RALGPS2: variants seen among roughly 807,000 people sequenced by gnomAD.
The protein encoded by RALGPS2 is ras-specific guanine nucleotide-releasing factor RalGPS2.
RALGPS2 carries 43 observed loss-of-function variants against 86.8 expected under a neutral mutation model. That is an observed-to-expected ratio of 0.50 (90% confidence interval 0.39 to 0.64). The LOEUF (loss-of-function observed/expected upper bound fraction) is 0.64, where lower values mean the gene tolerates loss of function less well. Ranked by LOEUF, RALGPS2 falls within the 30% of genes least tolerant of loss-of-function variation. The pLI is 0.00. For missense variants in RALGPS2, 536 were observed against 694.6 expected (o/e 0.77, Z 2.57); for synonymous variants, 243 against 231.3 (o/e 1.05, Z -0.46).
intron 4 of RALGPS2, among the ~76,000 whole-genome samples, chr1:178,802,218 G>C (rs140689508): frequency 2.0e-5 from 3 of 151,918 alleles, no homozygotes; most frequent in African/African-American, 7.2e-5. Flanking sequence ...CTTAAAGTAA[G>C]CTAGAAAAAA....
At chr1:178,840,482 T>C (rs373992017) in intron 8 of RALGPS2, among the ~76,000 whole-genome samples, 151 of 152,266 alleles carry the variant, frequency 9.9e-4, no homozygotes, top group Non-Finnish European at 1.8e-3. Flanking sequence ...TACCAGAATC[T>C]CTGGGACACA....
At chr1:178,746,793 G>C in intron 1 of RALGPS2, 1 of 972,304 alleles carries the variant, frequency 1.0e-6, no homozygotes, top group Non-Finnish European at 1.7e-6. Context: ...TCTCACATAC[G>C]TTTCCGTAGA....
At chr1:178,811,551 C>T in intron 6 of RALGPS2, 147 bp downstream of exon 6, 1 of 557,198 alleles carries the variant, frequency 1.8e-6, no homozygotes, top group South Asian at 2.8e-5. Context: ...AATTGGATGC[C>T]TACTTTCTCT....
At chr1:178,730,707 T>G (rs922253443) in intron 1 of RALGPS2, among the ~76,000 whole-genome samples, 13 of 136,094 alleles carry the variant, frequency 9.6e-5, no homozygotes, top group Non-Finnish European at 2.1e-4. Flanking sequence ...TTTTTTTTTG[T>G]TTTTTTTTTT....
At chr1:178,814,860 A>G (rs565695826) in intron 6 of RALGPS2, among the ~76,000 whole-genome samples, 12 of 152,296 alleles carry the variant, frequency 7.9e-5, no homozygotes, top group African/African-American at 2.9e-4. Flanking sequence ...TCACCATCTG[A>G]TATTGTCAAA....
intron 8 of RALGPS2, among the ~76,000 whole-genome samples, chr1:178,859,640 A>G (rs1389773415): frequency 6.6e-6 from 1 of 150,708 alleles, no homozygotes; most frequent in African/African-American, 2.4e-5. Flanking sequence ...AGGGAAGTGT[A>G]CAAAATATGC....
intron 6 of RALGPS2, among the ~76,000 whole-genome samples, chr1:178,817,154 G>C (rs1198554993): frequency 6.6e-6 from 1 of 151,490 alleles, no homozygotes; most frequent in African/African-American, 2.4e-5. Flanking sequence ...GAGGTCAGGA[G>C]TTTGAGACCA....
intron 2 of RALGPS2, among the ~76,000 whole-genome samples, chr1:178,783,208 G>T (rs79440225): frequency 6.6e-6 from 1 of 152,086 alleles, no homozygotes; most frequent in Non-Finnish European, 1.5e-5. Context: ...TGACAAAAAC[G>T]AAGAATGCCT....
At chr1:178,838,635 T>C (rs1190319617) in intron 8 of RALGPS2, among the ~76,000 whole-genome samples, 1 of 152,056 alleles carries the variant, frequency 6.6e-6, no homozygotes, top group Non-Finnish European at 1.5e-5. Context: ...AAAGGAATGC[T>C]TGCCAGCAAC....
intron 2 of RALGPS2, among the ~76,000 whole-genome samples, chr1:178,777,075 A>G (rs1261512888): frequency 8.1e-5 from 12 of 148,514 alleles, no homozygotes; most frequent in Admixed American, 3.4e-4. Context: ...AGCATTAGGT[A>G]TATCTCCCAA....
intron 13 of RALGPS2, among the ~76,000 whole-genome samples, chr1:178,887,491 T>C (rs1218823047): frequency 2.0e-5 from 3 of 152,180 alleles, no homozygotes; most frequent in African/African-American, 7.2e-5. Flanking sequence ...ATAGCTACTT[T>C]TATTTTTAAA....
intron 1 of RALGPS2, among the ~76,000 whole-genome samples, chr1:178,757,121 A>G (rs932087233): frequency 2.0e-5 from 3 of 152,136 alleles, no homozygotes; most frequent in African/African-American, 4.8e-5. Context: ...TTATTGTTGT[A>G]TGGAAATGCT....
intron 17 of RALGPS2, among the ~76,000 whole-genome samples, chr1:178,900,997 G>T (rs1660149769): frequency 6.6e-6 from 1 of 152,044 alleles, no homozygotes; most frequent in African/African-American, 2.4e-5. Context: ...AGTACATTAT[G>T]AGCTGTCAAA....
intron 19 of RALGPS2, among the ~76,000 whole-genome samples, chr1:178,908,582 A>G (rs1660481982): frequency 6.6e-6 from 1 of 152,076 alleles, no homozygotes; most frequent in African/African-American, 2.4e-5. Flanking sequence ...CCTTGCCAAC[A>G]TCTGTTATTT....
chr1:178,913,171 A>T (rs1478398232), intron 19 of RALGPS2, among the ~76,000 whole-genome samples: 2 of 152,106 alleles, frequency 1.3e-5, no homozygotes, highest in Non-Finnish European at 2.9e-5. Flanking sequence ...AGTCCCAGCC[A>T]CTAGGGAGGC....
At position 178,868,010 on chromosome 1, in the gene RALGPS2, CAA is replaced by C. The variant is rs539388889; in HGVS notation, c.608-9487_608-9486del. On this transcript the variant is annotated intron_variant, in intron 8 of 19. Coordinates refer to ENST00000367635, the MANE Select transcript of RALGPS2 (RefSeq NM_152663.5). ...TGGAGAATTATTATTATTTTACTAA[CAA>C]GAGAGGGAATGAAAACAAAAGATAG... Among the ~76,000 whole-genome samples the C allele has an allele frequency of 1.9e-3, 295 of 152,000 alleles. 3 individuals are homozygous for C. The highest frequency in any genetic ancestry group is 4.4e-3 in the African/African-American group (184 of 41,508).
At chr1:178,831,547 A>G (rs1656017659) in intron 7 of RALGPS2, among the ~76,000 whole-genome samples, 1 of 152,128 alleles carries the variant, frequency 6.6e-6, no homozygotes, top group African/African-American at 2.4e-5. Context: ...GAAAGTGTGA[A>G]GAGGCTTGCC....
chr1:178,869,495 A>C (rs1658616828), intron 8 of RALGPS2, among the ~76,000 whole-genome samples: 1 of 152,118 alleles, frequency 6.6e-6, no homozygotes, highest in Non-Finnish European at 1.5e-5. Context: ...TGCCTGCCTT[A>C]AGACAGCGTC....
At chr1:178,735,671 A>T (rs566162720) in intron 1 of RALGPS2, among the ~76,000 whole-genome samples, 2 of 142,250 alleles carry the variant, frequency 1.4e-5, no homozygotes, top group African/African-American at 2.6e-5. Flanking sequence ...GGGTGTCTAC[A>T]TTGTAAAATT....
Sources: allele counts gnomAD v4.1 joint callset (sites outside exome capture counted in the v4.1 genomes callset), GRCh38; gene constraint gnomAD v4.1.1; transcripts MANE v1.5; gene names NCBI Gene and HGNC (gene_info 2026-07-23, HGNC 2026-07-21).